The following FAM161A variants were observed in gnomAD, a reference collection of about 807,000 sequenced individuals.
The protein encoded by FAM161A is protein FAM161A.
FAM161A carries 57 observed loss-of-function variants against 70.9 expected under a neutral mutation model. That is an observed-to-expected ratio of 0.80 (90% CI 0.65 to 1.00). The LOEUF (loss-of-function observed/expected upper bound fraction) is 1.00, where lower values mean the gene tolerates loss of function less well. Among genes scored for constraint, FAM161A ranks in the 50% least tolerant of loss-of-function variants. The pLI, the probability that FAM161A is intolerant of heterozygous loss-of-function variation, is 0.00. For missense variants in FAM161A, 880 were observed against 836.0 expected (o/e 1.05, Z -0.65); for synonymous variants, 299 against 295.7 (o/e 1.01, Z -0.12).
At chr2:61,851,655 A>C (rs918925919) in intron 1 of FAM161A, among the ~76,000 whole-genome samples, 4 of 152,146 alleles carry the variant, frequency 2.6e-5, no homozygotes, top group African/African-American at 7.2e-5. Context: ...TACCTGTGTC[A>C]TCATCAGTCA....
chr2:61,803,547 G>A, the FAM161A span, among the ~76,000 whole-genome samples: 131 of 152,348 alleles, frequency 8.6e-4, no homozygotes, highest in African/African-American at 2.7e-3. Flanking sequence ...CGGGCGCAGT[G>A]GCTTACGCCT....
At chr2:61,844,248 G>T (rs1445547226) in intron 1 of FAM161A, among the ~76,000 whole-genome samples, 3 of 152,154 alleles carry the variant, frequency 2.0e-5, no homozygotes, top group Non-Finnish European at 4.4e-5. Context: ...TCAATTAAGA[G>T]AATTCTCTGA....
At position 61,826,158 on chromosome 2, in the gene FAM161A, T is replaced by A; in HGVS notation, c.*297A>T. On this transcript the variant is annotated 3_prime_UTR_variant, in exon 7 of 7. Transcript: ENST00000404929. ...TTCCAGTAAAATTAATGAAATAATG[T>A]ATATTTTTATAACTAATCAGTTTGT... is the stretch of plus-strand genomic sequence containing the variant. 2 of 538,048 alleles carry A rather than the reference T, an allele frequency of 3.7e-6. No individual in the cohort carries two copies. Among genetic ancestry groups the A allele is most frequent in the East Asian group, 9.3e-5 (2 of 21,432 alleles). The allele number at this position is 538,048 out of a possible 1,614,324, so 33.3% of individuals were successfully genotyped here. A position where few individuals can be genotyped will look rare whatever the true frequency, so the allele number is the denominator to read the frequency against.
chr2:61,823,159 C>T (rs1672242033), downstream of FAM161A, among the ~76,000 whole-genome samples: 1 of 150,656 alleles, frequency 6.6e-6, no homozygotes, highest in African/African-American at 2.4e-5. Flanking sequence ...ATGGTGAAAT[C>T]CCATCTCTAC....
the FAM161A span, among the ~76,000 whole-genome samples, chr2:61,809,306 G>T: frequency 1.3e-5 from 2 of 152,154 alleles, no homozygotes; most frequent in Admixed American, 1.3e-4. Flanking sequence ...AGTGGCCTGG[G>T]GCTCAGCCTT....
At chr2:61,821,243 G>A (rs1672196384), downstream of FAM161A, among the ~76,000 whole-genome samples, 1 of 151,940 alleles carries the variant, frequency 6.6e-6, no homozygotes, top group Non-Finnish European at 1.5e-5. Flanking sequence ...AGTAGAGATG[G>A]GGTTTCACCA....
intron 5 of FAM161A, among the ~76,000 whole-genome samples, chr2:61,833,585 C>T (rs955604053): frequency 1.7e-4 from 26 of 151,974 alleles, no homozygotes; most frequent in African/African-American, 5.6e-4. Flanking sequence ...AGTGTGCTTC[C>T]GAGAGGACGT....
intron 1 of FAM161A, among the ~76,000 whole-genome samples, chr2:61,848,825 TA>T (rs66656159): frequency 0.15 from 2,033 of 13,360 alleles, 622 homozygotes; most frequent in East Asian, 0.44. Flanking sequence ...TATATATATA[TA>T]TCTATATATA....
rs1276174560 is a variant in FAM161A at position 61,826,406 on chromosome 2, C to G, written c.*49G>C. The G allele has an allele frequency of 6.3e-7, 1 of 1,598,050 alleles. No homozygotes were observed. Among genetic ancestry groups the G allele is most frequent in the Admixed American group, 1.7e-5 (1 of 58,708 alleles). On this transcript the variant is annotated 3_prime_UTR_variant, in exon 7 of 7. Transcript: ENST00000404929. ...TAAACACAAATGCGGCTGCTGACAC[C>G]CTGACGCTGCAAACAACAGCAAGGG... is the stretch of plus-strand genomic sequence containing the variant.
Position 61,825,545 on chromosome 2 carries a change from T to G in FAM161A, c.*910A>C. ...AAATAATTTGGACTAGAACTAAGGA[T>G]AAAAAGAAAAAGGGATGATGGTGTA... On this transcript the variant is annotated 3_prime_UTR_variant, in exon 7 of 7. Transcript: ENST00000404929. 1 of 435,120 alleles carries G rather than the reference T, an allele frequency of 2.3e-6. No homozygotes were observed. The highest frequency in any genetic ancestry group is 4.5e-6 in the Non-Finnish European group (1 of 221,928). 27.0% of individuals were successfully genotyped at this position (435,120 alleles called of 1,614,324 possible). A position where few individuals can be genotyped will look rare whatever the true frequency, so the allele number is the denominator to read the frequency against.
At position 61,825,394 on chromosome 2, in the gene FAM161A, T is replaced by A. The variant is rs1672314956; in HGVS notation, c.*1061A>T. 2.2e-6 allele frequency: 1 copy of A among 453,818 alleles called. No individual in the cohort carries two copies. Among genetic ancestry groups the A allele is most frequent in the Admixed American group, 2.4e-5 (1 of 42,476 alleles). 28.1% of individuals were successfully genotyped at this position (453,818 alleles called of 1,614,324 possible). ...AGTTATTATGCACAATTTCATCATATAAAAAAAGGGATACTTGCCCCTAAT... is the reference window on the plus strand; with the variant it reads ...AGTTATTATGCACAATTTCATCATAAAAAAAAAGGGATACTTGCCCCTAAT... On this transcript the variant is annotated 3_prime_UTR_variant, in exon 7 of 7. Coordinates refer to ENST00000404929, the MANE Select transcript of FAM161A (RefSeq NM_001201543.2).
chr2:61,838,697 A>C lies in FAM161A; in HGVS notation c.1592T>G (p.Leu531Arg). ...TTCTTCCAACATTTTCTTTTCCTCA[A>C]GTGATCTCCTGAGGGTAACAAACTA... ...RGREQAVRRS[L>R]EEKKMLEEER... is the part of the protein sequence containing the mutation. Residue 531 changes from leucine (L) to arginine (R), a missense_variant, in exon 4 of 7, where the codon CTT (leucine) becomes CGT (arginine). Coordinates refer to ENST00000404929, the MANE Select transcript of FAM161A (RefSeq NM_001201543.2). The C allele has an allele frequency of 6.2e-7, 1 of 1,607,374 alleles. No individual in the cohort carries two copies. The highest frequency in any genetic ancestry group is 8.5e-7 in the Non-Finnish European group (1 of 1,177,320).
At chr2:61,853,752 G>A in intron 1 of FAM161A, 107 bp downstream of exon 1, 1 of 1,276,450 alleles carries the variant, frequency 7.8e-7, no homozygotes, top group Admixed American at 2.2e-5. Context: ...TATGTGCACA[G>A]GGACCCGCGT....
the FAM161A span, among the ~76,000 whole-genome samples, chr2:61,812,727 CAAAACA>C: frequency 8.6e-5 from 13 of 150,740 alleles, no homozygotes; most frequent in South Asian, 4.2e-4. Flanking sequence ...TGTCTCAAAA[CAAAACA>C]AAAACAAAAA....
chr2:61,827,285 C>T (rs747861280), intron 5 of FAM161A, 27 bp from the exon 6 acceptor site: 11 of 1,609,064 alleles, frequency 6.8e-6, no homozygotes, highest in East Asian at 4.5e-5. Flanking sequence ...CCTTTTTAGA[C>T]GAGAACAGAA....
At chr2:61,853,797 A>T in intron 1 of FAM161A, 62 bp downstream of exon 1, 1 of 1,589,728 alleles carries the variant, frequency 6.3e-7, no homozygotes, top group Non-Finnish European at 8.6e-7. Context: ...GGGGAACCGG[A>T]CAGCCCTCAG....
chr2:61,835,450 T>C (rs1004461659), intron 5 of FAM161A: 10 of 151,100 alleles, frequency 6.6e-5, no homozygotes, highest in African/African-American at 2.2e-4. Context: ...GCAGAGAAGA[T>C]TGAATTACAG....
intron 1 of FAM161A, among the ~76,000 whole-genome samples, chr2:61,848,816 A>ATATATATATTTATATATATT (rs1558491258): frequency 4.7e-4 from 5 of 10,654 alleles, no homozygotes; most frequent in Non-Finnish European, 9.2e-4. Flanking sequence ...ATATATATTT[A>ATATATATATTTATATATATT]TATATATATA....
At chr2:61,851,958 A>C (rs1306280327) in intron 1 of FAM161A, among the ~76,000 whole-genome samples, 2 of 152,200 alleles carry the variant, frequency 1.3e-5, no homozygotes, top group Non-Finnish European at 2.9e-5. Context: ...TAATAAGGTT[A>C]AGGCAAATTA....
Sources: gnomAD v4.1 joint callset for allele counts (sites outside exome capture counted in the v4.1 genomes callset) on GRCh38, gnomAD v4.1.1 for gene constraint, MANE v1.5 for transcripts, NCBI Gene and HGNC (gene_info 2026-07-23, HGNC 2026-07-21) for gene names.